Variants in SLC12A4 observed in about 807,000 individuals in gnomAD.
The protein encoded by SLC12A4 is electroneutral potassium-chloride cotransporter 1.
SLC12A4 carries 84 observed loss-of-function variants against 119.2 expected under a neutral mutation model. The observed-to-expected ratio is 0.70, with a 90% CI of 0.59 to 0.85. The LOEUF is 0.85. SLC12A4 is among the 40% of genes least tolerant of loss of function. The probability of loss-of-function intolerance (pLI) is 0.00; values close to 1 mark genes in which losing one functional copy is unlikely to be tolerated. For missense variants in SLC12A4, 1,298 were observed against 1,476.3 expected, an observed-to-expected ratio of 0.88 and a Z score of 1.98; for synonymous variants, 599 against 604.6, an observed-to-expected ratio of 0.99 and a Z score of 0.14.
rs1175800560 is a variant in SLC12A4 at position 67,950,649 on chromosome 16, C to T, written c.1454+5G>A. ...CTGCTAAAGAGGGGGGCCCAGCTCA[C>T]TCACTTGTCCCGGAGAACCACACCC... On this transcript the variant is annotated splice_donor_5th_base_variant and intron_variant, in intron 11 of 23. Transcript: ENST00000316341. This position sits in a 1 kb window ranked among gnomAD's most constrained non-coding sequence, Gnocchi z 4.3. 6.2e-7 allele frequency: 1 copy of T among 1,612,148 alleles called. No homozygotes were observed. Among genetic ancestry groups the T allele is most frequent in the Non-Finnish European group, 8.5e-7 (1 of 1,179,152 alleles).
At position 67,944,842 on chromosome 16, in the gene SLC12A4, AG is replaced by A; in HGVS notation, c.3255del (p.Ter1086GlufsTer17). ...CAGGCCACAAGATGACACTGGGCTC[AG>A]GAGTAGATGGTGATGACTTCACGGC... ...GGGREVITIY[S>X] On this transcript the variant is annotated frameshift_variant, in exon 24 of 24. Transcript: ENST00000316341. LOFTEE classifies it high-confidence loss of function. This position sits in a 1 kb window ranked among gnomAD's most constrained non-coding sequence, Gnocchi z 6.6. The A allele has an allele frequency of 6.2e-7, 1 of 1,612,964 alleles. No individual in the cohort carries two copies. Among genetic ancestry groups the A allele is most frequent in the South Asian group, 1.1e-5 (1 of 91,076 alleles).
At position 67,944,118 on chromosome 16, in the gene SLC12A4, A is replaced by G; in HGVS notation, c.*722T>C. On this transcript the variant is annotated 3_prime_UTR_variant, in exon 24 of 24. Coordinates refer to ENST00000316341, the MANE Select transcript of SLC12A4 (RefSeq NM_005072.5). This position sits in a 1 kb window ranked among gnomAD's most constrained non-coding sequence, Gnocchi z 6.6. The stretch of plus-strand genomic sequence containing the variant: ...CGGCCCCATTCCAGCCCTGGTGCCT[A>G]CTGCCAGAGAAAGCGGCACTGGGCT... 1 of 1,546,538 alleles carries G rather than the reference A, an allele frequency of 6.5e-7. No homozygotes were observed. The highest frequency in any genetic ancestry group is 8.7e-7 in the Non-Finnish European group (1 of 1,145,394).
At chr16:67,961,819 GA>G in intron 2 of SLC12A4, 113 bp from the exon 3 acceptor site, 2 of 1,394,418 alleles carry the variant, frequency 1.4e-6, no homozygotes, top group Non-Finnish European at 2.0e-6. Flanking sequence ...GCCTGGGCCT[GA>G]TCCCAGTTCC....
intron 13 of SLC12A4, among the ~76,000 whole-genome samples, chr16:67,948,404 G>A (rs1419511381): frequency 6.6e-6 from 1 of 152,230 alleles, no homozygotes; most frequent in Admixed American, 6.5e-5. Flanking sequence ...AGGAAGGGGA[G>A]TAACAGGGCA....
At position 67,950,433 on chromosome 16, in the gene SLC12A4, C is replaced by A. The variant is rs763922182; in HGVS notation, c.1515G>T (p.Trp505Cys). The stretch of plus-strand genomic sequence containing the variant: ...AAAAGAAGGAGCCGATGACGATGAC[C>A]CAGGGTGAAGGCCAGGCCAGTGTGC... ...VVGTLAWPSP[W>C]VIVIGSFFST... Residue 505 changes from tryptophan (W) to cysteine (C), a missense_variant, in exon 12 of 24, where the codon TGG (tryptophan) becomes TGT (cysteine). Physicochemically the swap from Trp to Cys is radical, Grantham distance 215. Coordinates refer to ENST00000316341, the MANE Select transcript of SLC12A4 (RefSeq NM_005072.5). The surrounding 1 kb of genome is among the most constrained non-coding windows in gnomAD (Gnocchi z 4.3). 10 of 1,614,010 alleles carry A rather than the reference C, an allele frequency of 6.2e-6. No individual in the cohort carries two copies. The highest frequency in any genetic ancestry group is 8.5e-6 in the Non-Finnish European group (10 of 1,180,024).
In SLC12A4 at chr16:67,952,055, A is replaced by T. The variant is rs1248995874; in HGVS notation, c.918-18T>A. 1 of 1,611,896 alleles carries T rather than the reference A, an allele frequency of 6.2e-7. No homozygotes were observed. The highest frequency in any genetic ancestry group is 2.2e-5 in the East Asian group (1 of 44,850). On this transcript the variant is annotated intron_variant, in intron 7 of 23. Transcript: ENST00000316341. The stretch of plus-strand genomic sequence containing the variant: ...TGCATACCCTGTGAGGGACAGAAGC[A>T]CCGGCACCTGCTCAGGTCAAAGCCC...
At chr16:67,955,352 T>C (rs1299956484) in intron 5 of SLC12A4, among the ~76,000 whole-genome samples, 2 of 152,242 alleles carry the variant, frequency 1.3e-5, no homozygotes, top group African/African-American at 2.4e-5. Context: ...AGTCATCTCA[T>C]GTTGCTGGTT....
Position 67,958,053 on chromosome 16 carries a change from A to C in SLC12A4, c.343-9T>G. 6.2e-7 allele frequency: 1 copy of C among 1,613,110 alleles called. No individual in the cohort carries two copies. The highest frequency in any genetic ancestry group is 8.5e-7 in the Non-Finnish European group (1 of 1,179,402). ...GTGCCCATGCTGGGTGCCTATGCGAACACAAAGGGAGGGGGCGAGTAGAGC... is the reference window on the plus strand; with the variant it reads ...GTGCCCATGCTGGGTGCCTATGCGACCACAAAGGGAGGGGGCGAGTAGAGC... On this transcript the variant is annotated splice_polypyrimidine_tract_variant and intron_variant, in intron 3 of 23. Transcript: ENST00000316341.
rs374347099 is a variant in SLC12A4, at chr16:67,947,995, C to A, written c.1847+66G>T. 496 of 1,561,798 alleles carry A rather than the reference C, an allele frequency of 3.2e-4. 4 individuals carry two copies. The East Asian group carries it at 9.2e-3, about 29-fold the overall frequency. The stretch of plus-strand genomic sequence containing the variant: ...TTCAAGAGCTCCCTACCCAGGAAAC[C>A]CAAGCCTCACCCAGAATGAGGCTCC... On this transcript the variant is annotated intron_variant, in intron 14 of 23. Transcript: ENST00000316341.
chr16:67,954,565 C>A, intron 6 of SLC12A4, 78 bp downstream of exon 6: 1 of 1,564,138 alleles, frequency 6.4e-7, no homozygotes, highest in Non-Finnish European at 8.7e-7. Flanking sequence ...TGGGGATGAA[C>A]AGCCTGAGCC....
In SLC12A4 at chr16:67,945,097, GC is replaced by G; in HGVS notation, c.3155del (p.Gly1052AlafsTer12). 6.3e-7 allele frequency: 1 copy of G among 1,581,942 alleles called. No individual in the cohort carries two copies. The highest frequency in any genetic ancestry group is 1.2e-5 in the South Asian group (1 of 86,790). ...NMPGPPRNSE[G>X]DENYMEFLEV... ...TCCACAAAGGGATACAGTTCTCGTC[GC>G]CCTCACTGTTCCTGGGTGGGCCAGG... On this transcript the variant is annotated frameshift_variant, in exon 23 of 24. Coordinates refer to ENST00000316341, the MANE Select transcript of SLC12A4 (RefSeq NM_005072.5). LOFTEE classifies it high-confidence loss of function.
chr16:67,968,518 C>T lies in SLC12A4; in HGVS notation c.36G>A (p.Pro12=). 1 of 1,582,384 alleles carries T rather than the reference C, an allele frequency of 6.3e-7. No homozygotes were observed. The highest frequency in any genetic ancestry group is 2.4e-5 in the East Asian group (1 of 41,854). The change falls in exon 1 of 24, where the codon CCG becomes CCA. Residue 12 remains proline (P), a synonymous_variant. Coordinates refer to ENST00000316341, the MANE Select transcript of SLC12A4 (RefSeq NM_005072.5). ...PHFTVVPVDG[P]RRGDYDNLEG... ...CGAGGTTGTCATAGTCGCCGCGCCT[C>T]GGCCCGTCCACTGGCACCACGGTGA...
chr16:67,947,568 C>A, intron 15 of SLC12A4, 101 bp downstream of exon 15: 1 of 1,510,912 alleles, frequency 6.6e-7, no homozygotes, highest in Non-Finnish European at 8.9e-7. Context: ...GTCCTGGCAC[C>A]CACGGTGGCC....
intron 2 of SLC12A4, among the ~76,000 whole-genome samples, chr16:67,962,014 G>A (rs1281010960): frequency 6.6e-6 from 1 of 152,188 alleles, no homozygotes; most frequent in Non-Finnish European, 1.5e-5. Flanking sequence ...ACGGCTGGCA[G>A]GGGGGCAATG....
At chr16:67,961,805 A>T in intron 2 of SLC12A4, 99 bp from the exon 3 acceptor site, 1 of 1,507,164 alleles carries the variant, frequency 6.6e-7, no homozygotes, top group Non-Finnish European at 9.1e-7. Context: ...AAGCCCTGAG[A>T]CAGGCCTGGG....
rs936761107 is a variant in SLC12A4, at chr16:67,948,254, G to A, written c.1749-95C>T. On this transcript the variant is annotated intron_variant, in intron 13 of 23. Transcript: ENST00000316341. ...CTGGCCCAGAAACGGGGCGTGGCCC[G>A]GCCCTGCCCTGCATGGCTCAGCAAG... is the stretch of plus-strand genomic sequence containing the variant. 1.5e-5 allele frequency: 17 copies of A among 1,171,698 alleles called. No homozygotes were observed. In the African/African-American group the frequency reaches 1.5e-4, roughly 10 times the overall value. The allele number at this position is 1,171,698 out of a possible 1,614,324, so 72.6% of individuals were successfully genotyped here. A position where few individuals can be genotyped will look rare whatever the true frequency, so the allele number is the denominator to read the frequency against.
chr16:67,954,673 C>A lies in SLC12A4; in HGVS notation c.645G>T (p.Met215Ile), dbSNP rs745369720. 3.1e-6 allele frequency: 5 copies of A among 1,614,216 alleles called. No individual in the cohort carries two copies. Among genetic ancestry groups the A allele is most frequent in the South Asian group, 2.2e-5 (2 of 91,084 alleles). ...FYLGTTFAAA[M>I]YILGAIEILL... is the part of the protein sequence containing the mutation. ...AGATCTCGATGGCCCCCAGGATGTACATGGCTGCTGCGAATGTTGTTCCCA... is the reference window on the plus strand; with the variant it reads ...AGATCTCGATGGCCCCCAGGATGTAAATGGCTGCTGCGAATGTTGTTCCCA... The change falls in exon 6 of 24, where the codon ATG (methionine) becomes ATT (isoleucine). Residue 215 changes from methionine to isoleucine, a missense_variant. Transcript: ENST00000316341.
At chr16:67,965,603 T>G (rs998178663) in intron 1 of SLC12A4, among the ~76,000 whole-genome samples, 4 of 152,354 alleles carry the variant, frequency 2.6e-5, no homozygotes, top group Non-Finnish European at 4.4e-5. Flanking sequence ...TCTAAACTCA[T>G]GTACTACAGC....
rs2030893911 is a variant in SLC12A4 at position 67,966,903 on chromosome 16, C to T, written c.115+1536G>A. 3.4e-6 allele frequency: 5 copies of T among 1,481,222 alleles called. No homozygotes were observed. The South Asian group carries it at 5.4e-5, about 16-fold the overall frequency. 91.8% of individuals were successfully genotyped at this position (1,481,222 alleles called of 1,614,324 possible). A position where few individuals can be genotyped will look rare whatever the true frequency, so the allele number is the denominator to read the frequency against. ...CAGCCAATGTAGCTCCAGGTCCCTC[C>T]AGTCACCCTGTAGGGGCCAAGGCGT... is the stretch of plus-strand genomic sequence containing the variant. On this transcript the variant is annotated intron_variant, in intron 1 of 23. Transcript: ENST00000316341.
Sources: gnomAD v4.1 joint callset for allele counts (sites outside exome capture counted in the v4.1 genomes callset) on GRCh38, gnomAD v4.1.1 for gene constraint, Gnocchi (gnomAD v3.1) non-coding constraint, MANE v1.5 for transcripts, NCBI Gene and HGNC (gene_info 2026-07-23, HGNC 2026-07-21) for gene names.